Variants in GREB1L observed in about 807,000 individuals in gnomAD.
The protein encoded by GREB1L is GREB1 like retinoic acid receptor coactivator.
GREB1L carries 17 observed loss-of-function variants against 200.8 expected under a neutral mutation model. The observed-to-expected ratio is 0.08, with a 90% CI of 0.06 to 0.13. GREB1L has a LOEUF of 0.13. Among genes scored for constraint, GREB1L ranks in the 10% least tolerant of loss-of-function variants. The pLI is 1.00. For synonymous variants in GREB1L, 789 were observed against 893.0 expected (o/e 0.88, Z 2.08); for missense variants, 1,657 against 2,367.7 (o/e 0.70, Z 6.23).
intron 16 of GREB1L, among the ~76,000 whole-genome samples, chr18:21,475,303 A>G (rs150100282): frequency 0.012 from 1,802 of 152,032 alleles, 91 homozygotes; most frequent in Admixed American, 0.095. Context: ...CACTTTGATG[A>G]CCTGAAAGCT....
chr18:21,290,463 A>G (rs1460936109), intron 1 of GREB1L, among the ~76,000 whole-genome samples: 13 of 152,200 alleles, frequency 8.5e-5, no homozygotes, highest in African/African-American at 3.1e-4. Context: ...ACTACTGGGC[A>G]GATGGTTCCA....
In GREB1L at chr18:21,383,552, G is replaced by A. The variant is rs1215093691; in HGVS notation, c.34G>A (p.Ala12Thr). ...TTCATATGCTGGGCAACTGAAATCT[G>A]CTCGATTTGAGGAAGCTCTCCACAA... Reference protein sequence around the residue: ...GNSYAGQLKSARFEEALHNSI... With the variant: ...GNSYAGQLKSTRFEEALHNSI... Residue 12 changes from alanine (A) to threonine (T), a missense_variant, in exon 3 of 33, where the codon GCT becomes ACT. By Grantham distance (58) the Ala-to-Thr change is moderately conservative. Coordinates refer to ENST00000424526, the MANE Select transcript of GREB1L (RefSeq NM_001142966.3). 5 of 1,546,178 alleles carry A rather than the reference G, an allele frequency of 3.2e-6. No homozygotes were observed. The African/African-American group carries it at 6.9e-5, about 21-fold the overall frequency.
intron 7 of GREB1L, among the ~76,000 whole-genome samples, chr18:21,419,828 T>C (rs569705840): frequency 2.3e-3 from 350 of 152,320 alleles, no homozygotes; most frequent in Non-Finnish European, 4.1e-3. Flanking sequence ...ACTGGAACAG[T>C]TGAATGTCCA....
chr18:21,383,468 A>G (rs1346776497), intron 2 of GREB1L, 42 bp from the exon 3 acceptor site: 3 of 1,390,236 alleles, frequency 2.2e-6, no homozygotes, highest in Admixed American at 2.9e-5. Context: ...ACCTCTAATT[A>G]TATCAATTTT....
intron 31 of GREB1L, among the ~76,000 whole-genome samples, chr18:21,519,919 CTG>C (rs2037553548): frequency 6.6e-6 from 1 of 150,466 alleles, no homozygotes; most frequent in South Asian, 2.1e-4. Context: ...AATTCATGCA[CTG>C]TCTTTTTTTT....
At position 21,441,439 on chromosome 18, in the gene GREB1L, C is replaced by T; in HGVS notation, c.1109C>T (p.Thr370Ile). The T allele has an allele frequency of 6.4e-7, 1 of 1,551,212 alleles. No homozygotes were observed. The highest frequency in any genetic ancestry group is 8.7e-7 in the Non-Finnish European group (1 of 1,146,814). ...LSAPVPQTPL[T>I]GILQPRPIPA... ...GCCCCAGTTCCACAGACCCCACTAACTGGAATTTTACAACCCAGGCCCATT... is the reference window on the plus strand; with the variant it reads ...GCCCCAGTTCCACAGACCCCACTAATTGGAATTTTACAACCCAGGCCCATT... Residue 370 changes from threonine to isoleucine, a missense_variant, in exon 10 of 33, where the codon ACT (threonine) becomes ATT (isoleucine). By Grantham distance (89) the Thr-to-Ile change is moderately conservative. This residue lies in a region of GREB1L where 289 missense variants were observed against 345.1 expected (regional missense o/e 0.84). Transcript: ENST00000424526.
chr18:21,452,122 G>C lies in GREB1L; in HGVS notation c.1889G>C (p.Arg630Thr). ...AAGCTGCTGGAAAAAATGCAACAAA[G>C]AAGAGGAGACAGTGTGGTTACCCCT... ...LDKLLEKMQQRRGDSVVTPFD... is the reference protein window; with the variant it reads ...LDKLLEKMQQTRGDSVVTPFD... The change falls in exon 14 of 33, where the codon AGA becomes ACA. Residue 630 changes from arginine to threonine, a missense_variant. By Grantham distance (71) the Arg-to-Thr change is moderately conservative. Coordinates refer to ENST00000424526, the MANE Select transcript of GREB1L (RefSeq NM_001142966.3). 3 of 1,552,142 alleles carry C rather than the reference G, an allele frequency of 1.9e-6. No individual in the cohort carries two copies. The South Asian group carries it at 3.6e-5, about 18-fold the overall frequency.
chr18:21,434,862 T>C (rs2033437530), intron 7 of GREB1L: 1 of 152,608 alleles, frequency 6.6e-6, no homozygotes, highest in Non-Finnish European at 1.5e-5. Context: ...TTCTATAATC[T>C]CCTTTTTCTC....
intron 1 of GREB1L, among the ~76,000 whole-genome samples, chr18:21,349,611 C>T (rs781397681): frequency 2.0e-5 from 3 of 152,006 alleles, no homozygotes; most frequent in East Asian, 1.9e-4. Flanking sequence ...AGATCAGTGG[C>T]GGCATTAGAT....
At chr18:21,318,874 C>A (rs2038911453) in intron 1 of GREB1L, among the ~76,000 whole-genome samples, 1 of 152,168 alleles carries the variant, frequency 6.6e-6, no homozygotes. Flanking sequence ...GGTCGCTAAC[C>A]AGTCATCCTG....
Position 21,281,080 on chromosome 18 carries a change from G to A in GREB1L, c.-120+38687G>A, listed in dbSNP as rs1424218985. Among the ~76,000 whole-genome samples, 3 of 152,332 alleles carry A rather than the reference G, an allele frequency of 2.0e-5. No homozygotes were observed. The East Asian group carries it at 5.8e-4, about 29-fold the overall frequency. On this transcript the variant is annotated intron_variant, in intron 1 of 32. Transcript: ENST00000424526. ...CACAACTCTGGCTGTCCAGCTTTCT[G>A]TAGAAAAGGGAAGGTATAGTTGCCT...
At chr18:21,257,308 A>G (rs141697404) in intron 1 of GREB1L, among the ~76,000 whole-genome samples, 46 of 152,284 alleles carry the variant, frequency 3.0e-4, no homozygotes, top group African/African-American at 1.1e-3. Context: ...CCTCTGAATT[A>G]AAAATGTTAC....
intron 7 of GREB1L, among the ~76,000 whole-genome samples, chr18:21,426,969 A>T (rs1392895275): frequency 1.2e-5 from 1 of 81,202 alleles, no homozygotes; most frequent in Admixed American, 1.5e-4. Context: ...AAAAAAAAAA[A>T]AAACAAAAAA....
At chr18:21,514,528 TAA>T (rs745703344) in intron 28 of GREB1L, among the ~76,000 whole-genome samples, 4 of 152,032 alleles carry the variant, frequency 2.6e-5, no homozygotes, top group African/African-American at 7.2e-5. Flanking sequence ...AAAACAAAAA[TAA>T]AGTCTGTTGA....
intron 6 of GREB1L, among the ~76,000 whole-genome samples, chr18:21,403,285 G>A (rs2041394105): frequency 6.6e-6 from 1 of 152,210 alleles, no homozygotes; most frequent in Non-Finnish European, 1.5e-5. Flanking sequence ...TACTTAAAAT[G>A]AAGCTTGGCA....
chr18:21,498,028 G>T (rs1419959820), intron 21 of GREB1L, among the ~76,000 whole-genome samples: 1 of 151,692 alleles, frequency 6.6e-6, no homozygotes, highest in African/African-American at 2.4e-5. Flanking sequence ...CACCATGTTG[G>T]CCAGGCTGGT....
intron 16 of GREB1L, among the ~76,000 whole-genome samples, chr18:21,474,827 A>G (rs1256712472): frequency 6.6e-6 from 1 of 152,178 alleles, no homozygotes; most frequent in African/African-American, 2.4e-5. Flanking sequence ...TTGGGGATTA[A>G]GATTCCGCTC....
Position 21,347,300 on chromosome 18 carries a change from A to G in GREB1L, c.-119-18727A>G, listed in dbSNP as rs548764382. Among the ~76,000 whole-genome samples, 235 of 151,740 alleles carry G rather than the reference A, an allele frequency of 1.5e-3. 1 individual carries two copies. The highest frequency in any genetic ancestry group is 5.5e-3 in the African/African-American group (226 of 41,440). Reference sequence around the variant, plus strand: ...TCTCAAAAAAAAAAAACAAACAAAAACAAAAAAACCAACAACAACTGTAAC... The same window carrying G: ...TCTCAAAAAAAAAAAACAAACAAAAGCAAAAAAACCAACAACAACTGTAAC... On this transcript the variant is annotated intron_variant, in intron 1 of 32. Coordinates refer to ENST00000424526, the MANE Select transcript of GREB1L (RefSeq NM_001142966.3).
rs541910090 is a variant in GREB1L at position 21,382,485 on chromosome 18, C to T, written c.-9-1025C>T. On this transcript the variant is annotated intron_variant, in intron 2 of 32. Coordinates refer to ENST00000424526, the MANE Select transcript of GREB1L (RefSeq NM_001142966.3). Reference sequence around the variant, plus strand: ...ATAAATTGTAGTTATTATTGTTATACATGGAATTTTTTTTTTTTTTTTTGA... The same window carrying T: ...ATAAATTGTAGTTATTATTGTTATATATGGAATTTTTTTTTTTTTTTTTGA... Among the ~76,000 whole-genome samples, 473 of 150,530 alleles carry T rather than the reference C, an allele frequency of 3.1e-3. 6 individuals carry two copies. The highest frequency in any genetic ancestry group is 0.011 in the African/African-American group (459 of 40,398).
Sources: allele counts gnomAD v4.1 joint callset (sites outside exome capture counted in the v4.1 genomes callset), GRCh38; gene constraint gnomAD v4.1.1; regional missense constraint gnomAD v4.1.1; transcripts MANE v1.5; gene names NCBI Gene and HGNC (gene_info 2026-07-23, HGNC 2026-07-21).